The following ADGRB1 variants were observed in gnomAD, a reference collection of about 807,000 sequenced individuals.
The protein encoded by ADGRB1 is adhesion G protein-coupled receptor B1.
In ADGRB1, 36 loss-of-function variants were observed where a neutral mutation model predicts 175.7. The observed-to-expected ratio is 0.20, with a 90% CI of 0.16 to 0.27. ADGRB1 has a LOEUF of 0.27. Among genes scored for constraint, ADGRB1 ranks in the 10% least tolerant of loss-of-function variants. ADGRB1 has a pLI of 1.00. For missense variants in ADGRB1, 1,731 were observed against 2,255.3 expected (o/e 0.77, Z 4.71); for synonymous variants, 1,054 against 979.4 (o/e 1.08, Z -1.42).
chr8:142,519,596 G>A (rs1460102511), intron 19 of ADGRB1, among the ~76,000 whole-genome samples: 2 of 151,736 alleles, frequency 1.3e-5, no homozygotes, highest in Non-Finnish European at 2.9e-5. Context: ...TGATTGTGGT[G>A]GTGATGGTAG....
At chr8:142,468,430 T>C (rs1349306645) in intron 2 of ADGRB1, among the ~76,000 whole-genome samples, 1 of 152,204 alleles carries the variant, frequency 6.6e-6, no homozygotes, top group Non-Finnish European at 1.5e-5. Context: ...GCTTGTCATC[T>C]TGTGCAGGAT....
intron 17 of ADGRB1, among the ~76,000 whole-genome samples, chr8:142,496,414 G>A (rs971143195): frequency 2.6e-5 from 4 of 151,836 alleles, no homozygotes; most frequent in Admixed American, 2.0e-4. Flanking sequence ...AGGTATGGAC[G>A]GCTGGGTGGG....
intron 2 of ADGRB1, among the ~76,000 whole-genome samples, chr8:142,472,948 G>A (rs115447801): frequency 8.5e-4 from 129 of 152,214 alleles, no homozygotes; most frequent in African/African-American, 3.0e-3. Flanking sequence ...GGTTTGTGGG[G>A]GCAGGGTGAT....
Position 142,477,094 on chromosome 8 carries a change from C to T in ADGRB1, c.1058-20C>T, listed in dbSNP as rs1377235741. On this transcript the variant is annotated intron_variant, in intron 4 of 30. Transcript: ENST00000517894. ...AGCCCCATGGGCGGCAGGCCTGTGA[C>T]GCTGTAGTGGGGCCTGCAGGTGACC... 3.3e-5 allele frequency: 50 copies of T among 1,531,224 alleles called. 1 individual carries two copies. Among genetic ancestry groups the T allele is most frequent in the East Asian group, 4.7e-5 (2 of 42,856 alleles). 94.9% of individuals were successfully genotyped at this position (1,531,224 alleles called of 1,614,324 possible).
intron 17 of ADGRB1, among the ~76,000 whole-genome samples, chr8:142,509,184 T>C (rs1316423832): frequency 2.0e-5 from 3 of 152,150 alleles, no homozygotes; most frequent in Non-Finnish European, 4.4e-5. Context: ...CCCAATTCAA[T>C]AGAGGCTGCT....
intron 26 of ADGRB1, 136 bp from the exon 27 acceptor site, chr8:142,539,238 G>C (rs919361145): frequency 1.2e-6 from 1 of 839,400 alleles, no homozygotes; most frequent in East Asian, 2.8e-5. Context: ...CCCACGTGGG[G>C]CACTGGGCTG....
chr8:142,542,786 G>T lies in ADGRB1; in HGVS notation c.4413+139G>T, dbSNP rs1490998115. ...CTCCTAGCTACACCCCCCACCCCTGGCCCTGCTGGGTGTGCTGTGTATGTC... is the reference window on the plus strand; with the variant it reads ...CTCCTAGCTACACCCCCCACCCCTGTCCCTGCTGGGTGTGCTGTGTATGTC... On this transcript the variant is annotated intron_variant, in intron 28 of 30. Coordinates refer to ENST00000517894, the MANE Select transcript of ADGRB1 (RefSeq NM_001702.3). The surrounding 1 kb of genome is among the most constrained non-coding windows in gnomAD (Gnocchi z 6.3). 2 of 781,034 alleles carry T rather than the reference G, an allele frequency of 2.6e-6. No individual in the cohort carries two copies. Among genetic ancestry groups the T allele is most frequent in the African/African-American group, 1.8e-5 (1 of 54,118 alleles). 48.4% of individuals were successfully genotyped at this position (781,034 alleles called of 1,614,324 possible). A position where few individuals can be genotyped will look rare whatever the true frequency, so the allele number is the denominator to read the frequency against.
chr8:142,497,517 G>A (rs1842279327), intron 17 of ADGRB1, among the ~76,000 whole-genome samples: 1 of 152,144 alleles, frequency 6.6e-6, no homozygotes, highest in African/African-American at 2.4e-5. Flanking sequence ...AGGGGGAGGG[G>A]ACGCACCCAA....
At chr8:142,497,993 A>G (rs775993466) in intron 17 of ADGRB1, among the ~76,000 whole-genome samples, 2 of 152,076 alleles carry the variant, frequency 1.3e-5, no homozygotes, top group Non-Finnish European at 2.9e-5. Flanking sequence ...GCATCTGGGA[A>G]TGGACCCAGC....
intron 1 of ADGRB1, among the ~76,000 whole-genome samples, chr8:142,462,462 C>T (rs1044435515): frequency 3.3e-5 from 5 of 152,238 alleles, no homozygotes; most frequent in Non-Finnish European, 7.3e-5. Context: ...AGGAGCACAG[C>T]CCAAGTCCAG....
chr8:142,492,757 A>T lies in ADGRB1; in HGVS notation c.2675+1942A>T, dbSNP rs915344819. The stretch of plus-strand genomic sequence containing the variant: ...GCTCTCGTAAGGGTGGAAAAAGAAA[A>T]TGCAAGAAGAAAGCCCCCCTGCTTG... On this transcript the variant is annotated intron_variant, in intron 17 of 30. Coordinates refer to ENST00000517894, the MANE Select transcript of ADGRB1 (RefSeq NM_001702.3). The surrounding 1 kb of genome is among the most constrained non-coding windows in gnomAD (Gnocchi z 4.4). Among the ~76,000 whole-genome samples, 12 of 152,134 alleles carry T rather than the reference A, an allele frequency of 7.9e-5. No homozygotes were observed. Among genetic ancestry groups the T allele is most frequent in the African/African-American group, 2.9e-4 (12 of 41,414 alleles).
chr8:142,454,066 A>G (rs1386426844), intron 1 of ADGRB1, among the ~76,000 whole-genome samples: 1 of 152,162 alleles, frequency 6.6e-6, no homozygotes, highest in Admixed American at 6.5e-5. Context: ...CAGGAGCCAT[A>G]GGAGGGTCTC....
At chr8:142,506,992 G>A (rs1253608574) in intron 17 of ADGRB1, among the ~76,000 whole-genome samples, 1 of 152,238 alleles carries the variant, frequency 6.6e-6, no homozygotes, top group East Asian at 1.9e-4. Context: ...AGGTTCAGAT[G>A]TTGCAGGCCC....
At chr8:142,544,194 C>T (rs545626787) in intron 30 of ADGRB1, 26 bp from the exon 31 acceptor site, 3 of 1,547,560 alleles carry the variant, frequency 1.9e-6, no homozygotes, top group Middle Eastern at 2.1e-4. Flanking sequence ...GGCCCCACCC[C>T]TCCTGCACCA....
intron 1 of ADGRB1, among the ~76,000 whole-genome samples, chr8:142,458,000 G>A (rs1019363965): frequency 2.9e-4 from 43 of 146,140 alleles, no homozygotes; most frequent in African/African-American, 1.0e-3. Flanking sequence ...CGCCCACCCC[G>A]CCCCTCCCCC....
Position 142,464,511 on chromosome 8 carries a change from G to A in ADGRB1, c.313G>A (p.Asp105Asn). The A allele has an allele frequency of 6.3e-7, 1 of 1,579,198 alleles. No individual in the cohort carries two copies. Among genetic ancestry groups the A allele is most frequent in the African/African-American group, 1.4e-5 (1 of 73,406 alleles). The change falls in exon 2 of 31, where the codon GAC (aspartate) becomes AAC (asparagine). Residue 105 changes from aspartate to asparagine, a missense_variant. This residue lies in a region of ADGRB1 where 383 missense variants were observed against 383.1 expected (regional missense o/e 1.00). Transcript: ENST00000517894. Reference protein sequence around the residue: ...GPGRVRTYQFDSFLESTRTYL... With the variant: ...GPGRVRTYQFNSFLESTRTYL... ...CGGCCGCGTGCGCACCTACCAGTTCGACTCCTTCCTCGAGTCCACGCGCAC... is the reference window on the plus strand; with the variant it reads ...CGGCCGCGTGCGCACCTACCAGTTCAACTCCTTCCTCGAGTCCACGCGCAC...
At position 142,450,099 on chromosome 8, in the gene ADGRB1, G is replaced by C. The variant is rs1427854124; in HGVS notation, c.-225G>C. On this transcript the variant is annotated 5_prime_UTR_variant, in exon 1 of 31. Transcript: ENST00000517894. ...CTCGCCGGCGGGGCCGCTGCTGCTG[G>C]GGAAGGTAAGGAAGGCTCCGGCGGG... The C allele has an allele frequency of 6.7e-6, 1 of 148,756 alleles. No individual in the cohort carries two copies. Among genetic ancestry groups the C allele is most frequent in the African/African-American group, 2.5e-5 (1 of 40,666 alleles). The allele number at this position is 148,756 out of a possible 1,614,324, so 9.2% of individuals were successfully genotyped here.
intron 1 of ADGRB1, among the ~76,000 whole-genome samples, chr8:142,453,657 C>T (rs918159813): frequency 6.6e-6 from 1 of 152,162 alleles, no homozygotes; most frequent in African/African-American, 2.4e-5. Flanking sequence ...CACCCTCGAA[C>T]TGGGAGCAGG....
chr8:142,465,048 G>C, intron 2 of ADGRB1, 66 bp downstream of exon 2: 1 of 1,361,942 alleles, frequency 7.3e-7, no homozygotes, highest in East Asian at 2.9e-5. Flanking sequence ...GGGCAGACAG[G>C]GGAGGCGGGC....
Sources: allele counts gnomAD v4.1 joint callset (sites outside exome capture counted in the v4.1 genomes callset), GRCh38; gene constraint gnomAD v4.1.1; regional missense constraint gnomAD v4.1.1; non-coding constraint Gnocchi (gnomAD v3.1); transcripts MANE v1.5; gene names NCBI Gene and HGNC (gene_info 2026-07-23, HGNC 2026-07-21).